The following OXR1 variants were observed in gnomAD, a reference collection of about 807,000 sequenced individuals.
OXR1 encodes the protein oxidation resistance 1.
A neutral mutation model predicts 104.6 loss-of-function variants in OXR1; 41 were observed. The ratio of observed to expected loss-of-function variants is 0.39; its 90% CI spans 0.31 to 0.51. OXR1 has a LOEUF of 0.51. OXR1 is among the 20% of genes least tolerant of loss of function. OXR1 has a pLI of 0.77. For missense variants in OXR1, 955 were observed against 1,031.9 expected (o/e 0.93, Z 1.02); for synonymous variants, 348 against 348.4 (o/e 1.00, Z 0.01).
rs1563769471 is a variant in OXR1 at position 106,745,871 on chromosome 8, CTT to C, written c.2486+10_2486+11del. 2 of 1,489,132 alleles carry C rather than the reference CTT, an allele frequency of 1.3e-6. No homozygotes were observed. Among genetic ancestry groups the C allele is most frequent in the Non-Finnish European group, 1.9e-6 (2 of 1,076,194 alleles). The allele number at this position is 1,489,132 out of a possible 1,614,324, so 92.2% of individuals were successfully genotyped here. On this transcript the variant is annotated intron_variant, in intron 16 of 16. Coordinates refer to ENST00000517566, the MANE Select transcript of OXR1 (RefSeq NM_001198533.2). ...GCTTTCGGTGGTGGAGGGTAAGTCT[CTT>C]GAACATTTCACTATGAGATTTTTGA...
intron 6 of OXR1, among the ~76,000 whole-genome samples, chr8:106,689,756 T>A (rs1054174450): frequency 2.0e-5 from 3 of 151,950 alleles, no homozygotes; most frequent in East Asian, 1.9e-4. Context: ...AAAACTTTTT[T>A]AAAAACGTCT....
chr8:106,680,451 T>G (rs1828035953), intron 4 of OXR1, among the ~76,000 whole-genome samples: 1 of 152,200 alleles, frequency 6.6e-6, no homozygotes, highest in Non-Finnish European at 1.5e-5. Flanking sequence ...CTAGAAAAAT[T>G]CTTGGTAATT....
intron 2 of OXR1, among the ~76,000 whole-genome samples, chr8:106,485,501 A>T (rs1019204770): frequency 6.6e-6 from 1 of 152,040 alleles, no homozygotes; most frequent in Non-Finnish European, 1.5e-5. Context: ...TAGTTATTCC[A>T]TTGATTAATC....
chr8:106,292,294 CAACTT>C (rs1314170514), intron 1 of OXR1, among the ~76,000 whole-genome samples: 3 of 152,066 alleles, frequency 2.0e-5, no homozygotes, highest in Non-Finnish European at 4.4e-5. Context: ...TGAAAGTTCT[CAACTT>C]AATAAGGAAA....
chr8:106,287,686 T>C (rs1812557434), intron 1 of OXR1, among the ~76,000 whole-genome samples: 1 of 151,834 alleles, frequency 6.6e-6, no homozygotes. Flanking sequence ...CAAAAGAAAG[T>C]AGCATGAGCA....
chr8:106,617,438 G>A (rs539737790), intron 3 of OXR1, among the ~76,000 whole-genome samples: 13 of 151,826 alleles, frequency 8.6e-5, no homozygotes, highest in East Asian at 5.8e-4. Context: ...CAAAAAAAAA[G>A]GGGGGTGGGT....
chr8:106,607,453 T>C (rs1217585307), intron 3 of OXR1, among the ~76,000 whole-genome samples: 1 of 152,210 alleles, frequency 6.6e-6, no homozygotes, highest in Non-Finnish European at 1.5e-5. Flanking sequence ...TCCTCTCAAG[T>C]AGCCTTCCTC....
chr8:106,728,724 T>G (rs1161702560), intron 11 of OXR1, among the ~76,000 whole-genome samples: 1 of 152,206 alleles, frequency 6.6e-6, no homozygotes, highest in Non-Finnish European at 1.5e-5. Context: ...GATATATTCA[T>G]GTGCCATACT....
chr8:106,748,461 C>T (rs1244366996), intron 16 of OXR1, among the ~76,000 whole-genome samples: 1 of 150,462 alleles, frequency 6.6e-6, no homozygotes. Context: ...ACTGTCAACT[C>T]TCTTCTTGAG....
intron 3 of OXR1, among the ~76,000 whole-genome samples, chr8:106,571,271 G>T (rs769697291): frequency 2.0e-5 from 3 of 152,014 alleles, no homozygotes; most frequent in Non-Finnish European, 4.4e-5. Flanking sequence ...TCAGAGATCA[G>T]GGTGCCAGTG....
At chr8:106,747,655 A>G (rs1029398058) in intron 16 of OXR1, among the ~76,000 whole-genome samples, 3 of 152,236 alleles carry the variant, frequency 2.0e-5, no homozygotes, top group Non-Finnish European at 2.9e-5. Context: ...ATTTACTTAA[A>G]TATTTGGATA....
chr8:106,587,685 A>G (rs3110777), intron 3 of OXR1, among the ~76,000 whole-genome samples: 75,442 of 151,992 alleles, frequency 0.5, 19,994 homozygotes, highest in African/African-American at 0.68. Context: ...GCTGTGCCTG[A>G]ATAAACTATG....
chr8:106,399,128 C>T (rs1040741814), intron 2 of OXR1, among the ~76,000 whole-genome samples: 2 of 152,076 alleles, frequency 1.3e-5, no homozygotes, highest in African/African-American at 4.8e-5. Context: ...AAGTAACTAC[C>T]ACTTAGACAC....
chr8:106,592,985 T>C (rs1364341986), intron 3 of OXR1, among the ~76,000 whole-genome samples: 1 of 152,220 alleles, frequency 6.6e-6, no homozygotes. Context: ...TTCAGGTGTT[T>C]TCCTCTGTTT....
chr8:106,687,749 G>GT (rs558351191), intron 6 of OXR1, among the ~76,000 whole-genome samples: 24 of 151,444 alleles, frequency 1.6e-4, no homozygotes, highest in Non-Finnish European at 3.1e-4. Flanking sequence ...TGTGCCATCT[G>GT]TTTTTTCTAG....
At chr8:106,494,400 A>T (rs1297061137) in intron 2 of OXR1, among the ~76,000 whole-genome samples, 2 of 152,248 alleles carry the variant, frequency 1.3e-5, no homozygotes, top group African/African-American at 4.8e-5. Flanking sequence ...AGAAAAATTT[A>T]TATTTGACGA....
chr8:106,571,807 T>C (rs1817491463), intron 3 of OXR1, among the ~76,000 whole-genome samples: 2 of 152,020 alleles, frequency 1.3e-5, no homozygotes, highest in African/African-American at 4.8e-5. Context: ...TGGGCAGGCA[T>C]AGAATAGACA....
intron 2 of OXR1, among the ~76,000 whole-genome samples, chr8:106,408,101 A>C (rs1818310257): frequency 6.6e-6 from 1 of 152,208 alleles, no homozygotes. Context: ...TGCAATGCAC[A>C]GGACGGCCCA....
At chr8:106,385,142 A>G (rs1157499260) in intron 2 of OXR1, among the ~76,000 whole-genome samples, 2 of 152,240 alleles carry the variant, frequency 1.3e-5, no homozygotes, top group Admixed American at 1.3e-4. Context: ...TTCAGAACTC[A>G]AAGTGAACAT....
Sources: allele counts gnomAD v4.1 joint callset (sites outside exome capture counted in the v4.1 genomes callset), GRCh38; gene constraint gnomAD v4.1.1; transcripts MANE v1.5; gene names NCBI Gene and HGNC (gene_info 2026-07-23, HGNC 2026-07-21).